The following TOMM40 variants were observed in gnomAD, a reference collection of about 807,000 sequenced individuals.
TOMM40 encodes translocase of outer mitochondrial membrane 40.
Under a neutral mutation model 38.4 loss-of-function variants are expected in TOMM40, and 9 were observed. The ratio of observed to expected loss-of-function variants is 0.23; its 90% CI spans 0.14 to 0.41. The LOEUF (loss-of-function observed/expected upper bound fraction) is 0.41, where lower values mean the gene tolerates loss of function less well. Among genes scored for constraint, TOMM40 ranks in the 10% least tolerant of loss-of-function variants. TOMM40 has a pLI of 1.00. For missense variants in TOMM40, 299 were observed against 486.5 expected, an observed-to-expected ratio of 0.61 and a Z score of 3.63; for synonymous variants, 184 against 210.0, an observed-to-expected ratio of 0.88 and a Z score of 1.07.
intron 5 of TOMM40, among the ~76,000 whole-genome samples, chr19:44,896,431 A>G (rs761476787): frequency 1.4e-4 from 21 of 152,204 alleles, no homozygotes; most frequent in Admixed American, 1.0e-3. Flanking sequence ...GGAGTCCATG[A>G]GAGGGCCCGA....
rs375216449 is a variant in TOMM40 at position 44,894,317 on chromosome 19, C to T, written c.643+251C>T. Among the ~76,000 whole-genome samples the T allele has an allele frequency of 1.5e-4, 21 of 144,336 alleles. No individual in the cohort carries two copies. In the South Asian group the frequency reaches 2.6e-3, roughly 18 times the overall value. The allele number at this position is 144,336 out of a possible 152,430, so 94.7% of individuals were successfully genotyped here. On this transcript the variant is annotated intron_variant, in intron 5 of 8. Transcript: ENST00000426677. ...TGCTTTATCACCCAGGTTGGAGTGC[C>T]GTGGCACGATCTTGGCTCACTGCAA...
chr19:44,901,564 G>A (rs1199868231), intron 8 of TOMM40: 16 of 893,950 alleles, frequency 1.8e-5, no homozygotes, highest in African/African-American at 1.1e-4. Flanking sequence ...GTGAAACTCC[G>A]TCTCTACTAA....
chr19:44,894,866 A>T (rs1969536528), intron 5 of TOMM40, among the ~76,000 whole-genome samples: 1 of 152,322 alleles, frequency 6.6e-6, no homozygotes, highest in East Asian at 1.9e-4. Flanking sequence ...TTCGGAAACC[A>T]AGGCATAGCT....
At chr19:44,893,930 G>A (rs766097177) in intron 4 of TOMM40, 31 bp from the exon 5 acceptor site, 83 of 1,600,704 alleles carry the variant, frequency 5.2e-5, no homozygotes, top group Non-Finnish European at 6.8e-5. Flanking sequence ...CGTGAGCAGG[G>A]AGCCGCCCTC....
chr19:44,892,562 T>G (rs1330316901), intron 2 of TOMM40, 102 bp downstream of exon 2: 1 of 1,123,884 alleles, frequency 8.9e-7, no homozygotes, highest in East Asian at 2.4e-5. Flanking sequence ...AGAGCTGGGC[T>G]CCCTGATACT....
chr19:44,892,531 G>A, intron 2 of TOMM40, 71 bp downstream of exon 2: 4 of 1,421,296 alleles, frequency 2.8e-6, no homozygotes, highest in African/African-American at 1.4e-5. Context: ...CTGCACACTC[G>A]GCCCAATTAC....
intron 1 of TOMM40, 132 bp from the exon 2 acceptor site, chr19:44,892,261 C>T (rs974219877): frequency 3.3e-6 from 3 of 900,134 alleles, no homozygotes; most frequent in Admixed American, 1.8e-5. Flanking sequence ...GCTGTACTGC[C>T]TCTTTACAGG....
At position 44,901,293 on chromosome 19, in the gene TOMM40, C is replaced by T. The variant is rs1453010842; in HGVS notation, c.929C>T (p.Ala310Val). The change falls in exon 8 of 9, where the codon GCC becomes GTC. Residue 310 changes from alanine (A) to valine (V), a missense_variant. Ala to Val is a moderately conservative substitution (Grantham distance 64, BLOSUM62 0). Coordinates refer to ENST00000426677, the MANE Select transcript of TOMM40 (RefSeq NM_001128917.2). ...GGGTACCAGCTGGACCTGCCCAAGG[C>T]CAACCTCCTCTTCAAAGGTAAAGGT... Reference protein sequence around the residue: ...SFGYQLDLPKANLLFKGSVDS... With the variant: ...SFGYQLDLPKVNLLFKGSVDS... The T allele has an allele frequency of 1.2e-6, 2 of 1,613,938 alleles. No individual in the cohort carries two copies. Among genetic ancestry groups the T allele is most frequent in the African/African-American group, 1.3e-5 (1 of 75,062 alleles).
intron 5 of TOMM40, among the ~76,000 whole-genome samples, chr19:44,899,870 T>C (rs990596917): frequency 7.2e-6 from 1 of 138,142 alleles, no homozygotes; most frequent in Non-Finnish European, 1.5e-5. Context: ...TTCGAATGCC[T>C]AGGCTCAAGC....
At position 44,891,705 on chromosome 19, in the gene TOMM40, C is replaced by A; in HGVS notation, c.274+16C>A. On this transcript the variant is annotated intron_variant, in intron 1 of 8. Coordinates refer to ENST00000426677, the MANE Select transcript of TOMM40 (RefSeq NM_001128917.2). Reference sequence around the variant, plus strand: ...AAGTGCAAGGGTGAGGGGCGAGGGGCCCCCGCTGGGCTGCGATGGCCTGGA... The same window carrying A: ...AAGTGCAAGGGTGAGGGGCGAGGGGACCCCGCTGGGCTGCGATGGCCTGGA... 1.4e-6 allele frequency: 2 copies of A among 1,440,180 alleles called. No homozygotes were observed. Among genetic ancestry groups the A allele is most frequent in the Non-Finnish European group, 9.1e-7 (1 of 1,100,088 alleles). The allele number at this position is 1,440,180 out of a possible 1,614,324, so 89.2% of individuals were successfully genotyped here.
chr19:44,900,580 C>T, intron 5 of TOMM40, 150 bp from the exon 6 acceptor site: 1 of 1,462,816 alleles, frequency 6.8e-7, no homozygotes, highest in Middle Eastern at 2.4e-4. Context: ...TAGGGAACCC[C>T]TGGGCGATGG....
intron 5 of TOMM40, among the ~76,000 whole-genome samples, chr19:44,898,683 G>A (rs1969618192): frequency 6.6e-6 from 1 of 151,434 alleles, no homozygotes; most frequent in South Asian, 2.1e-4. Context: ...GACTACAGGT[G>A]TGCACCACCA....
At chr19:44,893,685 C>A in intron 3 of TOMM40, 95 bp from the exon 4 acceptor site, 1 of 1,037,800 alleles carries the variant, frequency 9.6e-7, no homozygotes, top group Non-Finnish European at 1.4e-6. Flanking sequence ...GACCCCCATC[C>A]GAGGCTTTCT....
At position 44,894,082 on chromosome 19, in the gene TOMM40, C is replaced by G. The variant is rs747483151; in HGVS notation, c.643+16C>G. ...GTGGGTTCAGGTAAGAGGCGGAGGGCTTGGAGGGTGGTCACAAAACTGCAG... is the reference window on the plus strand; with the variant it reads ...GTGGGTTCAGGTAAGAGGCGGAGGGGTTGGAGGGTGGTCACAAAACTGCAG... On this transcript the variant is annotated intron_variant, in intron 5 of 8. Coordinates refer to ENST00000426677, the MANE Select transcript of TOMM40 (RefSeq NM_001128917.2). 3.4e-6 allele frequency: 5 copies of G among 1,485,656 alleles called. No individual in the cohort carries two copies. The African/African-American group carries it at 7.1e-5, about 21-fold the overall frequency. 92.0% of individuals were successfully genotyped at this position (1,485,656 alleles called of 1,614,324 possible). A position where few individuals can be genotyped will look rare whatever the true frequency, so the allele number is the denominator to read the frequency against.
Position 44,891,633 on chromosome 19 carries a change from C to T in TOMM40, c.218C>T (p.Ala73Val). ...ASASGAAEDGACGCLPNPGTF... is the reference protein window; with the variant it reads ...ASASGAAEDGVCGCLPNPGTF... ...GCCTCAGGGGCCGCCGAGGATGGGG[C>T]CTGCGGCTGCCTGCCCAACCCGGGC... is the stretch of plus-strand genomic sequence containing the variant. The change falls in exon 1 of 9, where the codon GCC (alanine) becomes GTC (valine). Residue 73 changes from alanine to valine, a missense_variant. Physicochemically the swap from Ala to Val is moderately conservative, Grantham distance 64. Transcript: ENST00000426677. 10 of 1,482,730 alleles carry T rather than the reference C, an allele frequency of 6.7e-6. No homozygotes were observed. In the South Asian group the frequency reaches 1.0e-4, roughly 15 times the overall value. 91.8% of individuals were successfully genotyped at this position (1,482,730 alleles called of 1,614,324 possible).
chr19:44,900,958 G>A, intron 6 of TOMM40, 70 bp from the exon 7 acceptor site: 1 of 1,610,236 alleles, frequency 6.2e-7, no homozygotes, highest in Non-Finnish European at 8.5e-7. Flanking sequence ...TCTGAGGGAG[G>A]AGGCCTGGGT....
intron 1 of TOMM40, 133 bp downstream of exon 1, chr19:44,891,822 G>A (rs1228746284): frequency 5.0e-6 from 5 of 995,426 alleles, no homozygotes; most frequent in Non-Finnish European, 6.7e-6. Flanking sequence ...TGTTGGGATC[G>A]AATGGTGGAA....
At chr19:44,898,866 C>A (rs1210391926) in intron 5 of TOMM40, among the ~76,000 whole-genome samples, 1 of 150,640 alleles carries the variant, frequency 6.6e-6, no homozygotes, top group African/African-American at 2.4e-5. Context: ...TTTTTTAGGC[C>A]GGGCGCGGTG....
intron 3 of TOMM40, 58 bp downstream of exon 3, chr19:44,892,987 A>C: frequency 2.1e-6 from 3 of 1,439,342 alleles, no homozygotes; most frequent in Non-Finnish European, 1.9e-6. Context: ...TTGTAGCCAA[A>C]TGTCAAGCTA....
Sources: gnomAD v4.1 joint callset for allele counts (sites outside exome capture counted in the v4.1 genomes callset) on GRCh38, gnomAD v4.1.1 for gene constraint, MANE v1.5 for transcripts, NCBI Gene and HGNC (gene_info 2026-07-23, HGNC 2026-07-21) for gene names.